The following SGCZ variants were observed in gnomAD, a reference collection of about 807,000 sequenced individuals.
The protein encoded by SGCZ is sarcoglycan zeta, also known as zeta-sarcoglycan.
A neutral mutation model predicts 41.3 loss-of-function variants in SGCZ; 40 were observed. The observed-to-expected ratio is 0.97, with a 90% CI of 0.75 to 1.26. The LOEUF is 1.26. SGCZ is among the 50% of genes most tolerant of loss of function. The pLI is 0.00. For missense variants in SGCZ, 552 were observed against 369.8 expected, an observed-to-expected ratio of 1.49 and a Z score of -4.04; for synonymous variants, 206 against 137.5, an observed-to-expected ratio of 1.50 and a Z score of -3.49.
chr8:14,221,934 C>A (rs1585247024), intron 4 of SGCZ, among the ~76,000 whole-genome samples: 1 of 151,184 alleles, frequency 6.6e-6, no homozygotes, highest in East Asian at 2.0e-4. Context: ...GCACTCCAGC[C>A]TGGGTGACAC....
chr8:15,153,415 A>G (rs1265559782), intron 1 of SGCZ, among the ~76,000 whole-genome samples: 1 of 152,220 alleles, frequency 6.6e-6, no homozygotes, highest in Non-Finnish European at 1.5e-5. Context: ...TAACGTGAGA[A>G]TGCCAGACAG....
Position 14,231,219 on chromosome 8 carries a change from GAGAGAGAGAGAC to G in SGCZ, c.424+6361_424+6372del, listed in dbSNP as rs1339158247. 5.0e-5 allele frequency among the ~76,000 whole-genome samples: 7 copies of G among 139,150 alleles called. No individual in the cohort carries two copies. In the South Asian group the frequency reaches 1.7e-3, roughly 35 times the overall value. The allele number at this position is 139,150 out of a possible 152,430, so 91.3% of individuals were successfully genotyped here. ...TGTAGTGGGGAGAGAGAGGGGGAAAGAGAGAGAGAGACAGAGAGAGAGAGAGAGAGACACAGA... is the reference window on the plus strand; with the variant it reads ...TGTAGTGGGGAGAGAGAGGGGGAAAGAGAGAGAGAGAGAGAGAGACACAGA... On this transcript the variant is annotated intron_variant, in intron 4 of 7. Coordinates refer to ENST00000382080, the MANE Select transcript of SGCZ (RefSeq NM_139167.4).
intron 2 of SGCZ, among the ~76,000 whole-genome samples, chr8:14,460,270 A>G (rs540036111): frequency 6.6e-6 from 1 of 152,294 alleles, no homozygotes; most frequent in African/African-American, 2.4e-5. Context: ...AGCAAATAAA[A>G]GGGAATGAAA....
intron 6 of SGCZ, 72 bp from the exon 7 acceptor site, chr8:14,102,571 T>A: frequency 8.1e-7 from 1 of 1,241,008 alleles, no homozygotes. Flanking sequence ...AAAAGAAAAT[T>A]TTTGATAAAC....
At chr8:14,549,663 G>C (rs1420844093) in intron 2 of SGCZ, among the ~76,000 whole-genome samples, 1 of 151,968 alleles carries the variant, frequency 6.6e-6, no homozygotes, top group Non-Finnish European at 1.5e-5. Context: ...GAGGAGAAGA[G>C]GTACATATTT....
At chr8:14,658,229 T>C (rs954633136) in intron 1 of SGCZ, among the ~76,000 whole-genome samples, 11 of 152,166 alleles carry the variant, frequency 7.2e-5, no homozygotes, top group African/African-American at 2.4e-4. Context: ...TCACACACAA[T>C]TCACTAATGT....
Position 14,725,110 on chromosome 8 carries a change from G to C in SGCZ, c.40-170184C>G, listed in dbSNP as rs1810008475. On this transcript the variant is annotated intron_variant, in intron 1 of 7. Coordinates refer to ENST00000382080, the MANE Select transcript of SGCZ (RefSeq NM_139167.4). ...GAGAACACACAGTATTTGTCTTTCT[G>C]TGCTTGGCTTATTTCACTTAACATA... 2.0e-5 allele frequency among the ~76,000 whole-genome samples: 3 copies of C among 152,122 alleles called. No individual in the cohort carries two copies. In the South Asian group the frequency reaches 6.2e-4, roughly 32 times the overall value.
At chr8:14,621,794 C>G (rs1397615553) in intron 1 of SGCZ, among the ~76,000 whole-genome samples, 1 of 152,058 alleles carries the variant, frequency 6.6e-6, no homozygotes, top group African/African-American at 2.4e-5. Flanking sequence ...TCTCCCCTGA[C>G]AAGTTGGGAT....
At chr8:14,109,716 T>C (rs1473921210) in intron 5 of SGCZ, among the ~76,000 whole-genome samples, 1 of 152,206 alleles carries the variant, frequency 6.6e-6, no homozygotes, top group East Asian at 1.9e-4. Context: ...TGGAAATGTA[T>C]TAGAAGCATC....
At chr8:14,814,978 G>A (rs1190351092) in intron 1 of SGCZ, among the ~76,000 whole-genome samples, 6 of 151,796 alleles carry the variant, frequency 4.0e-5, no homozygotes, top group Non-Finnish European at 7.4e-5. Context: ...TTCTGAACTC[G>A]GTTACTTCTT....
chr8:14,635,241 T>C (rs1006632910), intron 1 of SGCZ, among the ~76,000 whole-genome samples: 3 of 151,898 alleles, frequency 2.0e-5, no homozygotes, highest in African/African-American at 7.2e-5. Flanking sequence ...ATAAAAAATG[T>C]ATCTCCATTT....
At chr8:14,732,747 C>A (rs1332519797) in intron 1 of SGCZ, among the ~76,000 whole-genome samples, 2 of 152,194 alleles carry the variant, frequency 1.3e-5, no homozygotes, top group East Asian at 3.9e-4. Flanking sequence ...GCAACAGGTA[C>A]ACAATAAGTG....
intron 1 of SGCZ, among the ~76,000 whole-genome samples, chr8:14,815,789 T>C (rs1342445156): frequency 6.6e-6 from 1 of 152,226 alleles, no homozygotes; most frequent in Non-Finnish European, 1.5e-5. Flanking sequence ...ATATGTGATG[T>C]TATCTGTGGT....
chr8:14,393,477 G>C (rs989288439), intron 2 of SGCZ, among the ~76,000 whole-genome samples: 8 of 152,044 alleles, frequency 5.3e-5, no homozygotes, highest in African/African-American at 1.9e-4. Context: ...GATTACGGTG[G>C]GGCGACCAAC....
At chr8:14,567,807 G>A (rs1229667325) in intron 1 of SGCZ, among the ~76,000 whole-genome samples, 1 of 151,920 alleles carries the variant, frequency 6.6e-6, no homozygotes, top group Non-Finnish European at 1.5e-5. Context: ...ACCTCCAGAC[G>A]CACCACCTTA....
At chr8:14,960,522 A>C (rs1800929938) in intron 1 of SGCZ, among the ~76,000 whole-genome samples, 1 of 152,156 alleles carries the variant, frequency 6.6e-6, no homozygotes, top group Non-Finnish European at 1.5e-5. Flanking sequence ...AAGCAGCTGA[A>C]GAACATAATC....
rs140386569 is a variant in SGCZ at position 14,874,428 on chromosome 8, G to A, written c.40-319502C>T. 4.1e-3 allele frequency among the ~76,000 whole-genome samples: 627 copies of A among 152,068 alleles called. 4 individuals carry two copies. The highest frequency in any genetic ancestry group is 0.018 in the South Asian group (87 of 4,824). On this transcript the variant is annotated intron_variant, in intron 1 of 7. Transcript: ENST00000382080. ...TTATTTTTAATTTTAACTTTATCAA[G>A]AAAATATGTTACTAAATAAAAATCC...
At chr8:14,680,970 A>AAAAAAAAC (rs1170763900) in intron 1 of SGCZ, among the ~76,000 whole-genome samples, 17 of 150,740 alleles carry the variant, frequency 1.1e-4, no homozygotes, top group South Asian at 4.2e-4. Flanking sequence ...GTGGGAAAAA[A>AAAAAAAAC]AAAAAAAAAA....
chr8:14,622,066 G>A (rs763794925), intron 1 of SGCZ, among the ~76,000 whole-genome samples: 23 of 152,040 alleles, frequency 1.5e-4, no homozygotes, highest in Admixed American at 9.9e-4. Flanking sequence ...GACTAGATGA[G>A]GTCATCAGAT....
Sources: allele counts gnomAD v4.1 joint callset (sites outside exome capture counted in the v4.1 genomes callset), GRCh38; gene constraint gnomAD v4.1.1; transcripts MANE v1.5; gene names NCBI Gene and HGNC (gene_info 2026-07-23, HGNC 2026-07-21).